Variants in ST14 observed in about 807,000 individuals in gnomAD.
ST14 encodes suppressor of tumorigenicity 14 protein.
A neutral mutation model predicts 96.5 loss-of-function variants in ST14; 40 were observed. The observed-to-expected ratio is 0.41, with a 90% CI of 0.32 to 0.54. The LOEUF (loss-of-function observed/expected upper bound fraction) is 0.54. Ranked by LOEUF, ST14 falls within the 20% of genes least tolerant of loss-of-function variation. The pLI is 0.17. For missense variants in ST14, 1,066 were observed against 1,188.9 expected, an observed-to-expected ratio of 0.90 and a Z score of 1.52; for synonymous variants, 506 against 492.1, an observed-to-expected ratio of 1.03 and a Z score of -0.37.
intron 17 of ST14, among the ~76,000 whole-genome samples, 185 bp from the exon 18 acceptor site, chr11:130,209,257 C>A (rs905406027): frequency 2.0e-5 from 3 of 152,168 alleles, no homozygotes; most frequent in Non-Finnish European, 2.9e-5. Flanking sequence ...TCTCAGCATG[C>A]CCCTGCTTCC....
intron 16 of ST14, among the ~76,000 whole-genome samples, chr11:130,204,629 T>C (rs1034720396): frequency 2.0e-5 from 3 of 152,128 alleles, no homozygotes; most frequent in African/African-American, 7.2e-5. Flanking sequence ...CTGACCAACA[T>C]GGTGAAACCC....
In ST14 at chr11:130,210,142, C is replaced by G. The variant is rs704625; in HGVS notation, c.*319C>G. 0.55 allele frequency: 171,600 copies of G among 313,694 alleles called. 48,993 individuals carry two copies. Among genetic ancestry groups the G allele is most frequent in the South Asian group, 0.68 (16,384 of 23,954 alleles). The allele number at this position is 313,694 out of a possible 1,614,324, so 19.4% of individuals were successfully genotyped here. A position where few individuals can be genotyped will look rare whatever the true frequency, so the allele number is the denominator to read the frequency against. ...TTGTGCATATCTGCCTCCCCTGTCT[C>G]TAAGGAGCAGCGGGAACGGAGCTTC... On this transcript the variant is annotated 3_prime_UTR_variant, in exon 19 of 19. Transcript: ENST00000278742.
intron 1 of ST14, among the ~76,000 whole-genome samples, chr11:130,169,595 A>G (rs1416122374): frequency 1.3e-5 from 2 of 152,184 alleles, no homozygotes; most frequent in Non-Finnish European, 2.9e-5. Flanking sequence ...GATGGAACTT[A>G]ATACTTAACG....
rs778386604 is a variant in ST14, at chr11:130,187,817, G to A, written c.82-297G>A. Among the ~76,000 whole-genome samples, 4 of 152,184 alleles carry A rather than the reference G, an allele frequency of 2.6e-5. No homozygotes were observed. Among genetic ancestry groups the A allele is most frequent in the South Asian group, 2.1e-4 (1 of 4,836 alleles). ...ACCGGGTTCGACAGCCCTTCATTGCGTTTTAATTTAAATGAACAATTCGTA... is the reference window on the plus strand; with the variant it reads ...ACCGGGTTCGACAGCCCTTCATTGCATTTTAATTTAAATGAACAATTCGTA... On this transcript the variant is annotated intron_variant, in intron 1 of 18. Transcript: ENST00000278742. The surrounding 1 kb of genome is among the most constrained non-coding windows in gnomAD (Gnocchi z 4.5).
intron 1 of ST14, among the ~76,000 whole-genome samples, chr11:130,165,190 C>T (rs736651): frequency 0.13 from 19,122 of 152,136 alleles, 1,469 homozygotes; most frequent in East Asian, 0.3. Context: ...CTGTGACATG[C>T]GGAACAGGGC....
chr11:130,200,388 G>A (rs375838253), intron 16 of ST14, among the ~76,000 whole-genome samples: 5 of 152,302 alleles, frequency 3.3e-5, no homozygotes, highest in East Asian at 3.9e-4. Context: ...GCCTCAGGGA[G>A]CTTCCATCCA....
chr11:130,199,154 G>T, intron 15 of ST14, 85 bp downstream of exon 15: 1 of 1,398,494 alleles, frequency 7.2e-7, no homozygotes, highest in Non-Finnish European at 9.8e-7. Flanking sequence ...GTGCAATCCC[G>T]CCAGCACCTC....
intron 17 of ST14, 86 bp downstream of exon 17, chr11:130,208,770 G>A: frequency 1.4e-6 from 2 of 1,473,060 alleles, no homozygotes. Context: ...CGGTCTCGGG[G>A]CGGGGGGCTG....
At chr11:130,186,370 G>A (rs529306992) in intron 1 of ST14, among the ~76,000 whole-genome samples, 3 of 152,168 alleles carry the variant, frequency 2.0e-5, no homozygotes, top group Admixed American at 2.0e-4. Context: ...GAGTTTTAAC[G>A]CAGAAGGAGA....
Position 130,198,593 on chromosome 11 carries a change from CGGGTCCGACGAGGCCTCCTGCCCCAA to C in ST14, c.1661_1684+2del. On this transcript the variant is annotated frameshift_variant and splice_region_variant, in exon 14 of 19. Transcript: ENST00000278742. LOFTEE classifies it high-confidence loss of function. ...GCAATGGGAAGGACGACTGTGGGGA[CGGGTCCGACGAGGCCTCCTGCCCCAA>C]GGGTGAGGCCCGCCCCACCCATCTT... The C allele has an allele frequency of 6.2e-7, 1 of 1,613,962 alleles. No homozygotes were observed. Among genetic ancestry groups the C allele is most frequent in the Non-Finnish European group, 8.5e-7 (1 of 1,180,002 alleles).
chr11:130,194,802 C>T (rs1953341813), intron 9 of ST14, 65 bp downstream of exon 9: 2 of 1,540,044 alleles, frequency 1.3e-6, no homozygotes, highest in African/African-American at 1.4e-5. Context: ...GTGTGTGTCT[C>T]CCTGTGCAGA....
chr11:130,182,824 TG>T (rs1386157241), intron 1 of ST14, among the ~76,000 whole-genome samples: 4 of 151,078 alleles, frequency 2.6e-5, no homozygotes, highest in Non-Finnish European at 5.9e-5. Context: ...TAATTTTTTA[TG>T]TTTTTTGTAG....
chr11:130,187,370 G>A lies in ST14; in HGVS notation c.82-744G>A, dbSNP rs1445430341. The stretch of plus-strand genomic sequence containing the variant: ...GGATACCCTTGGCAGGGAGGAACCC[G>A]GGGAAGTTGCCATCCTGTCTTTTGG... On this transcript the variant is annotated intron_variant, in intron 1 of 18. Transcript: ENST00000278742. This position sits in a 1 kb window ranked among gnomAD's most constrained non-coding sequence, Gnocchi z 4.5. Among the ~76,000 whole-genome samples, 1 of 152,186 alleles carries A rather than the reference G, an allele frequency of 6.6e-6. No homozygotes were observed. Among genetic ancestry groups the A allele is most frequent in the South Asian group, 2.1e-4 (1 of 4,824 alleles).
Position 130,189,790 on chromosome 11 carries a change from C to G in ST14, c.492C>G (p.His164Gln). The G allele has an allele frequency of 6.2e-7, 1 of 1,613,832 alleles. No homozygotes were observed. The highest frequency in any genetic ancestry group is 1.1e-5 in the South Asian group (1 of 91,090). The change falls in exon 5 of 19, where the codon CAC becomes CAG. Residue 164 changes from histidine to glutamine, a missense_variant. Physicochemically the swap from His to Gln is conservative, Grantham distance 24. Coordinates refer to ENST00000278742, the MANE Select transcript of ST14 (RefSeq NM_021978.4). ...YYWSEFSIPQ[H>Q]LVEEAERVMA... is the part of the protein sequence containing the mutation. ...GGTCTGAGTTCAGCATCCCGCAGCACCTGGTGGAGGAGGCCGAGCGCGTCA... is the reference window on the plus strand; with the variant it reads ...GGTCTGAGTTCAGCATCCCGCAGCAGCTGGTGGAGGAGGCCGAGCGCGTCA...
At chr11:130,177,641 C>G (rs539140469) in intron 1 of ST14, among the ~76,000 whole-genome samples, 1 of 152,330 alleles carries the variant, frequency 6.6e-6, no homozygotes, top group Non-Finnish European at 1.5e-5. Flanking sequence ...CTTTCTGGCC[C>G]CACTAGCTTC....
chr11:130,205,698 C>CA (rs1565629180), intron 16 of ST14, among the ~76,000 whole-genome samples: 1 of 120,826 alleles, frequency 8.3e-6, no homozygotes, highest in African/African-American at 3.0e-5. Flanking sequence ...CTTCTTTAGA[C>CA]GTTTTTTTTT....
At chr11:130,208,379 C>G in intron 16 of ST14, 31 bp from the exon 17 acceptor site, 1 of 1,613,694 alleles carries the variant, frequency 6.2e-7, no homozygotes. Flanking sequence ...CCCGAGTGAC[C>G]GCGCAGTCTC....
intron 15 of ST14, among the ~76,000 whole-genome samples, chr11:130,199,301 C>T (rs1168951708): frequency 6.6e-6 from 1 of 152,220 alleles, no homozygotes; most frequent in African/African-American, 2.4e-5. Context: ...ATCTCAGCGC[C>T]TCTGTAGCAT....
chr11:130,164,611 G>A (rs1002746997), intron 1 of ST14, among the ~76,000 whole-genome samples: 10 of 151,844 alleles, frequency 6.6e-5, no homozygotes, highest in Non-Finnish European at 1.2e-4. Context: ...TAGAGGCAGG[G>A]TCTTGCTATG....
Sources: allele counts gnomAD v4.1 joint callset (sites outside exome capture counted in the v4.1 genomes callset), GRCh38; gene constraint gnomAD v4.1.1; non-coding constraint Gnocchi (gnomAD v3.1); transcripts MANE v1.5; gene names NCBI Gene and HGNC (gene_info 2026-07-23, HGNC 2026-07-21).